Variants in KAZN observed in about 807,000 individuals in gnomAD.
KAZN encodes kazrin, periplakin interacting protein.
KAZN carries 40 observed loss-of-function variants against 87.4 expected under a neutral mutation model. The ratio of observed to expected loss-of-function variants is 0.46; its 90% confidence interval spans 0.36 to 0.60. The LOEUF is 0.60. Ranked by LOEUF, KAZN falls within the 20% of genes least tolerant of loss-of-function variation. The pLI is 0.00. For missense variants in KAZN, 898 were observed against 1,073.9 expected, an observed-to-expected ratio of 0.84 and a Z score of 2.29; for synonymous variants, 466 against 458.3, an observed-to-expected ratio of 1.02 and a Z score of -0.22.
chr1:14,237,458 T>C (rs1308395592), intron 2 of KAZN, among the ~76,000 whole-genome samples: 1 of 152,152 alleles, frequency 6.6e-6, no homozygotes, highest in East Asian at 1.9e-4. Context: ...CACTGGTCTC[T>C]GGACTGTTTC....
At chr1:14,353,999 A>T (rs1225180759) in intron 2 of KAZN, among the ~76,000 whole-genome samples, 1 of 152,196 alleles carries the variant, frequency 6.6e-6, no homozygotes, top group Non-Finnish European at 1.5e-5. Context: ...AGGTTAGAGG[A>T]CTTTCTCTGA....
chr1:14,940,809 G>A (rs536688290), intron 1 of KAZN, among the ~76,000 whole-genome samples: 7 of 151,962 alleles, frequency 4.6e-5, no homozygotes, highest in Non-Finnish European at 8.8e-5. Flanking sequence ...AAATGACTGC[G>A]GAGTGCTATC....
At chr1:14,999,318 G>A (rs1201893353) in intron 2 of KAZN, among the ~76,000 whole-genome samples, 2 of 152,210 alleles carry the variant, frequency 1.3e-5, no homozygotes, top group Admixed American at 1.3e-4. Flanking sequence ...TCACCTCCCC[G>A]AGCCTTCACT....
chr1:14,970,822 T>G (rs1664948880), intron 2 of KAZN, among the ~76,000 whole-genome samples: 1 of 152,264 alleles, frequency 6.6e-6, no homozygotes, highest in Admixed American at 6.5e-5. Flanking sequence ...CACGCCCATC[T>G]GATACTTGTT....
chr1:14,838,125 G>A (rs1052972052), intron 1 of KAZN, among the ~76,000 whole-genome samples: 4 of 152,160 alleles, frequency 2.6e-5, no homozygotes, highest in Non-Finnish European at 5.9e-5. Context: ...GCGCCTTGGG[G>A]CTGTACCCTC....
At chr1:14,480,965 T>C (rs1030116978) in intron 2 of KAZN, among the ~76,000 whole-genome samples, 1 of 149,672 alleles carries the variant, frequency 6.7e-6, no homozygotes, top group Non-Finnish European at 1.5e-5. Flanking sequence ...ATTACTTATA[T>C]ATATTTATAT....
intron 1 of KAZN, among the ~76,000 whole-genome samples, chr1:14,956,052 GTGTT>G (rs1430642585): frequency 6.6e-6 from 1 of 152,162 alleles, no homozygotes. Flanking sequence ...GCGTCTAGGG[GTGTT>G]TGTTTGGCAT....
chr1:14,251,191 G>C (rs1650000177), intron 2 of KAZN, among the ~76,000 whole-genome samples: 1 of 152,178 alleles, frequency 6.6e-6, no homozygotes, highest in South Asian at 2.1e-4. Context: ...CATTGACATT[G>C]CCAATGACAT....
intron 1 of KAZN, among the ~76,000 whole-genome samples, chr1:14,872,260 G>A (rs894545211): frequency 6.6e-6 from 1 of 152,318 alleles, no homozygotes. Flanking sequence ...CTTTAGGGTG[G>A]TTATGGAGCA....
rs556092182 is a variant in KAZN at position 14,921,292 on chromosome 1, G to A, written c.227-39392G>A. ...GCTTGGATGACTGAAAAGTAACTAG[G>A]ACGTATGTGCGCTTCAGGAGGTTGC... On this transcript the variant is annotated intron_variant, in intron 1 of 14. Coordinates refer to ENST00000376030, the MANE Select transcript of KAZN (RefSeq NM_201628.3). Among the ~76,000 whole-genome samples the A allele has an allele frequency of 3.3e-5, 5 of 152,290 alleles. No individual in the cohort carries two copies. In the East Asian group the frequency reaches 7.7e-4, roughly 23 times the overall value.
chr1:14,740,823 C>A (rs1463677147), intron 1 of KAZN, among the ~76,000 whole-genome samples: 2 of 152,178 alleles, frequency 1.3e-5, no homozygotes, highest in African/African-American at 4.8e-5. Flanking sequence ...AAAGATTCCA[C>A]CTTTGCTGGG....
intron 2 of KAZN, among the ~76,000 whole-genome samples, chr1:14,257,152 A>C (rs74226806): frequency 6.6e-6 from 1 of 152,194 alleles, no homozygotes; most frequent in Non-Finnish European, 1.5e-5. Flanking sequence ...TTTTAAAGGC[A>C]TCATTGAAAA....
intron 13 of KAZN, among the ~76,000 whole-genome samples, chr1:15,109,609 G>T (rs1238765852): frequency 4.7e-5 from 1 of 21,314 alleles, no homozygotes; most frequent in African/African-American, 2.3e-4. Context: ...GTATGTATGG[G>T]TATGTGTGTG....
intron 1 of KAZN, among the ~76,000 whole-genome samples, chr1:14,127,581 G>A (rs568818572): frequency 6.6e-6 from 1 of 152,256 alleles, no homozygotes; most frequent in East Asian, 1.9e-4. Flanking sequence ...GTGCTCAGAA[G>A]TGCTCCGGCG....
chr1:14,162,547 C>CTT lies in KAZN; in HGVS notation c.92-17874_92-17873dup, dbSNP rs113937893. Among the ~76,000 whole-genome samples the CTT allele has an allele frequency of 6.8e-4, 94 of 138,808 alleles. 1 individual carries two copies. The East Asian group carries it at 8.8e-3, about 13-fold the overall frequency. 91.1% of individuals were successfully genotyped at this position (138,808 alleles called of 152,430 possible). A position where few individuals can be genotyped will look rare whatever the true frequency, so the allele number is the denominator to read the frequency against. ...GGTTTTATCTTTTCTTTTCTTTTTT[C>CTT]TTTTTTTTTTTTTTTGAGACAGAGT... On this transcript the variant is annotated intron_variant, in intron 1 of 16. Coordinates refer to the KAZN transcript ENST00000636203.
At chr1:14,188,194 C>CGTGTGGGTGTGT (rs1646349341) in intron 2 of KAZN, among the ~76,000 whole-genome samples, 1 of 140,054 alleles carries the variant, frequency 7.1e-6, no homozygotes, top group African/African-American at 2.7e-5. Flanking sequence ...GAGAGAGGAG[C>CGTGTGGGTGTGT]GTGTGTGTGT....
intron 1 of KAZN, among the ~76,000 whole-genome samples, chr1:14,069,925 C>A (rs1417353270): frequency 6.6e-6 from 1 of 151,948 alleles, no homozygotes; most frequent in African/African-American, 2.4e-5. Context: ...AATCCCAGCA[C>A]TTTGGGAGGC....
chr1:14,337,803 A>T (rs1303615469), intron 2 of KAZN, among the ~76,000 whole-genome samples: 1 of 151,286 alleles, frequency 6.6e-6, no homozygotes, highest in Non-Finnish European at 1.5e-5. Context: ...CTGAGGCAGG[A>T]TAATCGCTTG....
chr1:14,797,351 A>G (rs987945070), intron 1 of KAZN, among the ~76,000 whole-genome samples: 2 of 152,098 alleles, frequency 1.3e-5, no homozygotes, highest in Non-Finnish European at 2.9e-5. Context: ...ATGAGCCACC[A>G]TCCCTGGCCT....
Sources: allele counts gnomAD v4.1 joint callset (sites outside exome capture counted in the v4.1 genomes callset), GRCh38; gene constraint gnomAD v4.1.1; transcripts MANE v1.5; gene names NCBI Gene and HGNC (gene_info 2026-07-23, HGNC 2026-07-21).